MRAS: variants seen among roughly 807,000 people sequenced by gnomAD.
The protein encoded by MRAS is muscle RAS oncogene homolog.
A neutral mutation model predicts 20.9 loss-of-function variants in MRAS; 4 were observed. The observed-to-expected ratio is 0.19, with a 90% CI of 0.09 to 0.44. The LOEUF (loss-of-function observed/expected upper bound fraction) is 0.44. MRAS is among the 20% of genes least tolerant of loss of function. The pLI is 0.99. For synonymous variants in MRAS, 98 were observed against 102.9 expected, an observed-to-expected ratio of 0.95 and a Z score of 0.29; for missense variants, 154 against 277.5, an observed-to-expected ratio of 0.56 and a Z score of 3.16.
chr3:138,392,606 C>T (rs951189470), intron 2 of MRAS, among the ~76,000 whole-genome samples: 6 of 152,276 alleles, frequency 3.9e-5, no homozygotes, highest in Non-Finnish European at 8.8e-5. Context: ...TATAAATACT[C>T]TGTCTTTGTC....
At position 138,404,249 on chromosome 3, in the gene MRAS, G is replaced by A. The variant is rs1396354765; in HGVS notation, c.*1980G>A. ...TGGAGGTGAGGCGGAGGAAAGGCAG[G>A]TAGGAAGGAGTAAGGATGGAGATGC... On this transcript the variant is annotated 3_prime_UTR_variant, in exon 6 of 6. Coordinates refer to ENST00000423968, the MANE Select transcript of MRAS (RefSeq NM_001085049.3). 2 of 152,286 alleles carry A rather than the reference G, an allele frequency of 1.3e-5. No homozygotes were observed. The highest frequency in any genetic ancestry group is 4.8e-5 in the African/African-American group (2 of 41,448). The allele number at this position is 152,286 out of a possible 1,614,324, so 9.4% of individuals were successfully genotyped here.
Position 138,403,959 on chromosome 3 carries a change from A to G in MRAS, c.*1690A>G, listed in dbSNP as rs906852225. The G allele has an allele frequency of 6.6e-6, 1 of 152,180 alleles. No homozygotes were observed. Among genetic ancestry groups the G allele is most frequent in the African/African-American group, 2.4e-5 (1 of 41,428 alleles). The allele number at this position is 152,180 out of a possible 1,614,324, so 9.4% of individuals were successfully genotyped here. A position where few individuals can be genotyped will look rare whatever the true frequency, so the allele number is the denominator to read the frequency against. On this transcript the variant is annotated 3_prime_UTR_variant, in exon 6 of 6. Transcript: ENST00000423968. ...CCAGCACTGAGGGGCCCAGCTGGAG[A>G]ATGATTCTGCTACAAAAGGAGACAG...
At chr3:138,402,116 G>T in intron 5 of MRAS, 54 bp from the exon 6 acceptor site, 1 of 1,553,500 alleles carries the variant, frequency 6.4e-7, no homozygotes, top group Non-Finnish European at 8.9e-7. Context: ...GAGGGGCAGA[G>T]GAGAAGCAAA....
Position 138,367,327 on chromosome 3 carries a change from G to A in MRAS, c.-18-5539G>A, listed in dbSNP as rs111227068. 1.7e-3 allele frequency among the ~76,000 whole-genome samples: 261 copies of A among 152,048 alleles called. 2 individuals are homozygous for A. The highest frequency in any genetic ancestry group is 5.9e-3 in the African/African-American group (246 of 41,546). ...TATAGATGGGGAAACTGGGCACCAG[G>A]AAGTTAAGAAACTTGCCCCAGGTCA... On this transcript the variant is annotated intron_variant, in intron 1 of 5. Coordinates refer to ENST00000423968, the MANE Select transcript of MRAS (RefSeq NM_001085049.3).
At chr3:138,379,148 C>T (rs2054847126) in intron 2 of MRAS, among the ~76,000 whole-genome samples, 2 of 151,970 alleles carry the variant, frequency 1.3e-5, no homozygotes, top group Admixed American at 1.3e-4. Flanking sequence ...TATTTCTGTA[C>T]CCATTAACCA....
Position 138,405,077 on chromosome 3 carries a change from G to A in MRAS, c.*2808G>A, listed in dbSNP as rs906571255. 4 of 152,372 alleles carry A rather than the reference G, an allele frequency of 2.6e-5. No homozygotes were observed. Among genetic ancestry groups the A allele is most frequent in the Non-Finnish European group, 5.9e-5 (4 of 68,124 alleles). 9.4% of individuals were successfully genotyped at this position (152,372 alleles called of 1,614,324 possible). A position where few individuals can be genotyped will look rare whatever the true frequency, so the allele number is the denominator to read the frequency against. ...CATCCTCTCCACTCCCACGGCTGGG[G>A]ACAATGGCCACTTACTACCTGTGCA... On this transcript the variant is annotated 3_prime_UTR_variant, in exon 6 of 6. Coordinates refer to ENST00000423968, the MANE Select transcript of MRAS (RefSeq NM_001085049.3).
At chr3:138,368,173 G>C (rs78076671) in intron 1 of MRAS, among the ~76,000 whole-genome samples, 1 of 152,236 alleles carries the variant, frequency 6.6e-6, no homozygotes, top group Non-Finnish European at 1.5e-5. Flanking sequence ...TAAATGATGG[G>C]TGATGTTCCC....
intron 1 of MRAS, among the ~76,000 whole-genome samples, chr3:138,356,235 A>G (rs2054331417): frequency 6.6e-6 from 1 of 152,232 alleles, no homozygotes; most frequent in African/African-American, 2.4e-5. Flanking sequence ...TACCAAGTAC[A>G]CAGATTAAAT....
chr3:138,376,829 G>C (rs1421717200), intron 2 of MRAS, among the ~76,000 whole-genome samples: 1 of 152,102 alleles, frequency 6.6e-6, no homozygotes, highest in African/African-American at 2.4e-5. Context: ...CTTCCCACAG[G>C]GGTCATTTTT....
intron 1 of MRAS, among the ~76,000 whole-genome samples, chr3:138,351,366 C>A (rs145507871): frequency 6.6e-6 from 1 of 152,210 alleles, no homozygotes; most frequent in Non-Finnish European, 1.5e-5. Context: ...GTTCCAGAGG[C>A]TCTGTACCTG....
intron 1 of MRAS, among the ~76,000 whole-genome samples, chr3:138,363,830 C>T (rs532213885): frequency 3.3e-5 from 4 of 119,666 alleles, no homozygotes; most frequent in East Asian, 4.7e-4. Flanking sequence ...CCCCCCCCCC[C>T]CCCCAAACCA....
chr3:138,392,181 T>C (rs754274116), intron 2 of MRAS, among the ~76,000 whole-genome samples: 1 of 152,214 alleles, frequency 6.6e-6, no homozygotes, highest in African/African-American at 2.4e-5. Flanking sequence ...TATTGGAATG[T>C]AAAGTTTGTT....
At position 138,404,186 on chromosome 3, in the gene MRAS, A is replaced by AGCAGTTTGTTGTGT. The variant is rs1451131976; in HGVS notation, c.*1926_*1939dup. ...TTATGCTTCCCTAAGTGGTATCTGCAGCAGTTTGTTGTGTGCAGTTTGATG... is the reference window on the plus strand; with the variant it reads ...TTATGCTTCCCTAAGTGGTATCTGCAGCAGTTTGTTGTGTGCAGTTTGTTGTGTGCAGTTTGATG... On this transcript the variant is annotated 3_prime_UTR_variant, in exon 6 of 6. Transcript: ENST00000423968. The AGCAGTTTGTTGTGT allele has an allele frequency of 1.3e-5, 2 of 152,304 alleles. No individual in the cohort carries two copies. Among genetic ancestry groups the AGCAGTTTGTTGTGT allele is most frequent in the Non-Finnish European group, 2.9e-5 (2 of 68,106 alleles). The allele number at this position is 152,304 out of a possible 1,614,324, so 9.4% of individuals were successfully genotyped here. A position where few individuals can be genotyped will look rare whatever the true frequency, so the allele number is the denominator to read the frequency against.
At chr3:138,402,091 T>A in intron 5 of MRAS, 79 bp from the exon 6 acceptor site, 1 of 1,383,324 alleles carries the variant, frequency 7.2e-7, no homozygotes, top group Non-Finnish European at 1.0e-6. Flanking sequence ...GACTCAGATC[T>A]GGGGCTAGGG....
intron 2 of MRAS, among the ~76,000 whole-genome samples, chr3:138,389,817 G>A (rs1237302984): frequency 6.6e-6 from 1 of 151,982 alleles, no homozygotes; most frequent in Admixed American, 6.6e-5. Context: ...CATAGTGCTG[G>A]CTGCCAGCAG....
At chr3:138,362,833 A>G (rs1275895500) in intron 1 of MRAS, among the ~76,000 whole-genome samples, 1 of 152,036 alleles carries the variant, frequency 6.6e-6, no homozygotes, top group Non-Finnish European at 1.5e-5. Flanking sequence ...CCTTGTTTCC[A>G]GGGAGCCAAC....
intron 1 of MRAS, among the ~76,000 whole-genome samples, chr3:138,353,727 A>G (rs549032829): frequency 6.6e-6 from 1 of 152,322 alleles, no homozygotes; most frequent in Non-Finnish European, 1.5e-5. Flanking sequence ...TTCCTTCAGC[A>G]AAGACTTGTG....
chr3:138,353,384 G>T (rs757151592), intron 1 of MRAS, among the ~76,000 whole-genome samples: 8 of 152,124 alleles, frequency 5.3e-5, no homozygotes, highest in African/African-American at 9.7e-5. Flanking sequence ...TTCCACAAGG[G>T]GAGTCCTTCC....
rs371303748 is a variant in MRAS, at chr3:138,355,979, T to TGGAG, written c.-19+7213_-19+7216dup. ...ACCAGATCCTTTTCCCTCATTCTGA[T>TGGAG]GGAGATGCTGCAAAAGCCAGCGAAG... On this transcript the variant is annotated intron_variant, in intron 1 of 5. Transcript: ENST00000423968. 1.5e-3 allele frequency among the ~76,000 whole-genome samples: 225 copies of TGGAG among 152,256 alleles called. 1 individual carries two copies. The highest frequency in any genetic ancestry group is 5.3e-3 in the African/African-American group (221 of 41,556).
Sources: gnomAD v4.1 joint callset for allele counts (sites outside exome capture counted in the v4.1 genomes callset) on GRCh38, gnomAD v4.1.1 for gene constraint, MANE v1.5 for transcripts, NCBI Gene and HGNC (gene_info 2026-07-23, HGNC 2026-07-21) for gene names.